APBA3: variants seen among roughly 807,000 people sequenced by gnomAD.
APBA3 encodes the protein amyloid-beta A4 precursor protein-binding family A member 3.
APBA3 carries 45 observed loss-of-function variants against 55.9 expected under a neutral mutation model. The ratio of observed to expected loss-of-function variants is 0.80; its 90% CI spans 0.63 to 1.03. The LOEUF (loss-of-function observed/expected upper bound fraction) is 1.03. APBA3 is among the 50% of genes least tolerant of loss of function. The probability of loss-of-function intolerance (pLI) is 0.00; values close to 1 mark genes in which losing one functional copy is unlikely to be tolerated. For missense variants in APBA3, 865 were observed against 820.3 expected (o/e 1.05, Z -0.67); for synonymous variants, 370 against 353.3 (o/e 1.05, Z -0.53).
At chr19:3,758,550 T>C (rs1190198217) in intron 3 of APBA3, among the ~76,000 whole-genome samples, 1 of 152,084 alleles carries the variant, frequency 6.6e-6, no homozygotes, top group Non-Finnish European at 1.5e-5. Flanking sequence ...TGAGCCACCA[T>C]ATCCAGCCTA....
At position 3,750,851 on chromosome 19, in the gene APBA3, G is replaced by A. The variant is rs987478555; in HGVS notation, c.*175C>T. The A allele has an allele frequency of 1.1e-5, 11 of 971,690 alleles. No homozygotes were observed. The highest frequency in any genetic ancestry group is 1.1e-4 in the Admixed American group (5 of 44,584). 60.2% of individuals were successfully genotyped at this position (971,690 alleles called of 1,614,324 possible). On this transcript the variant is annotated 3_prime_UTR_variant, in exon 11 of 11. Transcript: ENST00000316757. ...GGCTTCCAGGAAGGACAAGGTCCTCGGTCCCGTAGACCCTGATCCGAGACT... is the reference window on the plus strand; with the variant it reads ...GGCTTCCAGGAAGGACAAGGTCCTCAGTCCCGTAGACCCTGATCCGAGACT...
In APBA3 at chr19:3,754,202, C is replaced by A; in HGVS notation, c.755G>T (p.Arg252Leu). Residue 252 changes from arginine to leucine, a missense_variant, in exon 4 of 11, where the codon CGC becomes CTC. By Grantham distance (102) the Arg-to-Leu change is moderately radical (BLOSUM62 -2). Coordinates refer to ENST00000316757, the MANE Select transcript of APBA3 (RefSeq NM_004886.4). ...RMAQAREAMDRVKAPDGETQP... is the reference protein window; with the variant it reads ...RMAQAREAMDLVKAPDGETQP... ...CCCCGGCCGCCCCCTCACCTTGACG[C>A]GGTCCATGGCCTCCCGGGCCTGGGC... The A allele has an allele frequency of 6.5e-7, 1 of 1,540,258 alleles. No homozygotes were observed. Among genetic ancestry groups the A allele is most frequent in the South Asian group, 1.2e-5 (1 of 83,704 alleles).
At chr19:3,753,435 G>A (rs1367631830) in intron 6 of APBA3, 2 of 364,228 alleles carry the variant, frequency 5.5e-6, no homozygotes, top group Non-Finnish European at 1.0e-5. Flanking sequence ...TTGAGCCCAG[G>A]AGTTTGAGAC....
At position 3,752,985 on chromosome 19, in the gene APBA3, C is replaced by T; in HGVS notation, c.1017G>A (p.Gln339=). The change falls in exon 7 of 11, where the codon CAG becomes CAA. Residue 339 remains glutamine, a synonymous_variant. Coordinates refer to ENST00000316757, the MANE Select transcript of APBA3 (RefSeq NM_004886.4). ...CCTGGCCAATGGCCTGGGCGATGAG[C>T]TGGGCCTGCGGGGAGGAGTGGCGCG... ...LCHVFYAEDA[Q]LIAQAIGQAF... is the part of the protein sequence containing the mutation. The T allele has an allele frequency of 1.2e-6, 2 of 1,611,556 alleles. No individual in the cohort carries two copies. Among genetic ancestry groups the T allele is most frequent in the Non-Finnish European group, 1.7e-6 (2 of 1,179,826 alleles).
Position 3,752,962 on chromosome 19 carries a change from T to C in APBA3, c.1040A>G (p.Gln347Arg). The C allele has an allele frequency of 1.2e-6, 2 of 1,612,754 alleles. No individual in the cohort carries two copies. The highest frequency in any genetic ancestry group is 2.2e-5 in the East Asian group (1 of 44,878). The stretch of plus-strand genomic sequence containing the variant: ...CTGGCTGTAGGCGGCGGCGAAGGCC[T>C]GGCCAATGGCCTGGGCGATGAGCTG... Reference protein sequence around the residue: ...DAQLIAQAIGQAFAAAYSQFL... With the variant: ...DAQLIAQAIGRAFAAAYSQFL... Residue 347 changes from glutamine (Q) to arginine (R), a missense_variant, in exon 7 of 11, where the codon CAG becomes CGG. Coordinates refer to ENST00000316757, the MANE Select transcript of APBA3 (RefSeq NM_004886.4).
intron 8 of APBA3, chr19:3,751,889 T>G: frequency 3.2e-6 from 1 of 310,852 alleles, no homozygotes; most frequent in Non-Finnish European, 6.0e-6. Flanking sequence ...GGGCCTCAGT[T>G]TCCCCATCTG....
intron 3 of APBA3, among the ~76,000 whole-genome samples, chr19:3,758,266 A>G (rs1290986083): frequency 1.3e-5 from 2 of 148,528 alleles, no homozygotes; most frequent in Non-Finnish European, 3.0e-5. Flanking sequence ...GCATTTTTTT[A>G]TTTTTGAGAC....
chr19:3,753,628 A>G, intron 6 of APBA3, 137 bp downstream of exon 6: 1 of 899,890 alleles, frequency 1.1e-6, no homozygotes, highest in East Asian at 2.8e-5. Context: ...CCTGGGTGAC[A>G]GAAGGAGACC....
Position 3,759,481 on chromosome 19 carries a change from G to A in APBA3, c.616+80C>T, listed in dbSNP as rs879081556. 1.9e-5 allele frequency: 26 copies of A among 1,387,208 alleles called. No individual in the cohort carries two copies. The East Asian group carries it at 5.2e-4, about 28-fold the overall frequency. The allele number at this position is 1,387,208 out of a possible 1,614,324, so 85.9% of individuals were successfully genotyped here. On this transcript the variant is annotated intron_variant, in intron 3 of 10. Transcript: ENST00000316757. ...CCGAGAACCTCGTCCTTACTGGCAA[G>A]CTGTTGCCAGGCTGGTGAGCCTGAT...
chr19:3,760,408 C>T, intron 1 of APBA3, 107 bp from the exon 2 acceptor site: 1 of 685,726 alleles, frequency 1.5e-6, no homozygotes, highest in Non-Finnish European at 2.4e-6. Context: ...CCCAGGAGTT[C>T]AAGATCAGCC....
intron 1 of APBA3, among the ~76,000 whole-genome samples, chr19:3,761,182 C>A (rs779380751): frequency 6.6e-6 from 1 of 152,078 alleles, no homozygotes; most frequent in Non-Finnish European, 1.5e-5. Context: ...TCTTCCAGGT[C>A]CTCCTCCCTC....
At position 3,760,129 on chromosome 19, in the gene APBA3, T is replaced by G. The variant is rs1392349044; in HGVS notation, c.136A>C (p.Ser46Arg). 5.6e-6 allele frequency: 9 copies of G among 1,613,322 alleles called. 1 individual carries two copies. Reference sequence around the variant, plus strand: ...TCATCAAGTTCCATCCGACTGAGGCTGCCGGGGCCTCCTGGCATAGGGTCC... The same window carrying G: ...TCATCAAGTTCCATCCGACTGAGGCGGCCGGGGCCTCCTGGCATAGGGTCC... Reference protein sequence around the residue: ...QWDPMPGGPGSLSRMELDESS... With the variant: ...QWDPMPGGPGRLSRMELDESS... Residue 46 changes from serine to arginine, a missense_variant, in exon 2 of 11, where the codon AGC becomes CGC. By Grantham distance (110) the Ser-to-Arg change is moderately radical (BLOSUM62 -1). Transcript: ENST00000316757.
At position 3,751,067 on chromosome 19, in the gene APBA3, A is replaced by G. The variant is rs1179611480; in HGVS notation, c.1687T>C (p.Tyr563His). Reference sequence around the variant, plus strand: ...TGCTCCTGGCCTGTAAGGAGGCGATATGTGGCAGCTGGCATCGTCTTGATA... The same window carrying G: ...TGCTCCTGGCCTGTAAGGAGGCGATGTGTGGCAGCTGGCATCGTCTTGATA... Reference protein sequence around the residue: ...VHIKTMPAATYRLLTGQEQPV... With the variant: ...VHIKTMPAATHRLLTGQEQPV... The change falls in exon 11 of 11, where the codon TAT becomes CAT. Residue 563 changes from tyrosine to histidine, a missense_variant. Coordinates refer to ENST00000316757, the MANE Select transcript of APBA3 (RefSeq NM_004886.4). 6.4e-7 allele frequency: 1 copy of G among 1,567,396 alleles called. No individual in the cohort carries two copies. Among genetic ancestry groups the G allele is most frequent in the African/African-American group, 1.4e-5 (1 of 73,986 alleles).
intron 8 of APBA3, among the ~76,000 whole-genome samples, chr19:3,752,187 G>C (rs2037014538): frequency 6.6e-6 from 1 of 152,168 alleles, no homozygotes; most frequent in African/African-American, 2.4e-5. Flanking sequence ...ACTCCAGCCT[G>C]GGCAAGAGTG....
In APBA3 at chr19:3,751,107, G is replaced by A. The variant is rs1237136308; in HGVS notation, c.1657-10C>T. On this transcript the variant is annotated splice_polypyrimidine_tract_variant and intron_variant, in intron 10 of 10. Coordinates refer to ENST00000316757, the MANE Select transcript of APBA3 (RefSeq NM_004886.4). Reference sequence around the variant, plus strand: ...TCGTCTTGATATGCACCTGGGGAGTGGAGGCGGAACGGGGCTCAGGGCAGG... The same window carrying A: ...TCGTCTTGATATGCACCTGGGGAGTAGAGGCGGAACGGGGCTCAGGGCAGG... 7 of 1,566,256 alleles carry A rather than the reference G, an allele frequency of 4.5e-6. No homozygotes were observed. The highest frequency in any genetic ancestry group is 1.7e-4 in the Middle Eastern group (1 of 5,992).
Position 3,759,869 on chromosome 19 carries a change from T to C in APBA3, c.396A>G (p.Leu132=), listed in dbSNP as rs763911084. ...GCTGCAACAGTCGGGGGGCAGGCTC[T>C]AGAGGCTCTTCAGGACCAGTCTGGG... The part of the protein sequence containing the change: ...PPSQTGPEEP[L]EPAPRLLQPP... Residue 132 remains leucine (L), a synonymous_variant, in exon 2 of 11, where the codon CTA becomes CTG. Coordinates refer to ENST00000316757, the MANE Select transcript of APBA3 (RefSeq NM_004886.4). 3 of 1,612,572 alleles carry C rather than the reference T, an allele frequency of 1.9e-6. No homozygotes were observed. In the South Asian group the frequency reaches 3.3e-5, roughly 18 times the overall value.
At chr19:3,757,367 A>T (rs1216331633) in intron 3 of APBA3, among the ~76,000 whole-genome samples, 1 of 152,132 alleles carries the variant, frequency 6.6e-6, no homozygotes, top group Non-Finnish European at 1.5e-5. Context: ...TCAGCCTTTC[A>T]AAGTGTTGGG....
At chr19:3,761,431 A>T (rs1305821658) in intron 1 of APBA3, 105 bp downstream of exon 1, 1 of 152,670 alleles carries the variant, frequency 6.6e-6, no homozygotes, top group Non-Finnish European at 1.5e-5. Flanking sequence ...CCAGACTCAG[A>T]CCCCGACTTC....
rs149043954 is a variant in APBA3, at chr19:3,761,450, G to A, written c.-38+86C>T. 2.8e-4 allele frequency: 43 copies of A among 152,834 alleles called. 1 individual carries two copies. The highest frequency in any genetic ancestry group is 6.8e-3 in the Middle Eastern group (2 of 296). The allele number at this position is 152,834 out of a possible 1,614,324, so 9.5% of individuals were successfully genotyped here. On this transcript the variant is annotated intron_variant, in intron 1 of 10. Transcript: ENST00000316757. ...ACTCAGACCCCGACTTCAGGACCCA[G>A]CCCCAAGCCCAGACCCTAGTCCCCC...
Sources: allele counts gnomAD v4.1 joint callset (sites outside exome capture counted in the v4.1 genomes callset), GRCh38; gene constraint gnomAD v4.1.1; transcripts MANE v1.5; gene names NCBI Gene and HGNC (gene_info 2026-07-23, HGNC 2026-07-21).